The following AMPH variants were observed in gnomAD, a reference collection of about 807,000 sequenced individuals.
AMPH encodes amphiphysin (Stiff-Mann syndrome with breast cancer 128kD autoantigen).
AMPH carries 49 observed loss-of-function variants against 99.1 expected under a neutral mutation model. That is an observed-to-expected ratio of 0.49 (90% CI 0.39 to 0.63). AMPH has a LOEUF of 0.63. AMPH is among the 20% of genes least tolerant of loss of function. The pLI, the probability that AMPH is intolerant of heterozygous loss-of-function variation, is 0.00. For synonymous variants in AMPH, 314 were observed against 317.3 expected (o/e 0.99, Z 0.11); for missense variants, 759 against 863.4 (o/e 0.88, Z 1.52).
intron 7 of AMPH, among the ~76,000 whole-genome samples, chr7:38,470,400 T>C (rs141504001): frequency 1.8e-3 from 269 of 152,222 alleles, no homozygotes; most frequent in African/African-American, 6.3e-3. Context: ...TCTGGACGTT[T>C]ACCAAAGGTG....
At chr7:38,507,171 T>C (rs567786879) in intron 2 of AMPH, among the ~76,000 whole-genome samples, 3 of 152,312 alleles carry the variant, frequency 2.0e-5, no homozygotes, top group African/African-American at 7.2e-5. Flanking sequence ...ATATACTGGA[T>C]TCATCTTGTC....
At chr7:38,445,665 G>T (rs998013317) in intron 11 of AMPH, among the ~76,000 whole-genome samples, 1 of 152,170 alleles carries the variant, frequency 6.6e-6, no homozygotes, top group African/African-American at 2.4e-5. Flanking sequence ...AACACCACTA[G>T]TCATTTGGGA....
Position 38,384,796 on chromosome 7 carries a change from C to G in AMPH, c.*22G>C. On this transcript the variant is annotated 3_prime_UTR_variant, in exon 21 of 21. Transcript: ENST00000356264. ...GGTTTAAAAACCCCGTAACTGAGCT[C>G]CTTCTTGCAGTACTTGTTGCCCTAA... 1.9e-6 allele frequency: 3 copies of G among 1,597,640 alleles called. No individual in the cohort carries two copies. The highest frequency in any genetic ancestry group is 2.6e-6 in the Non-Finnish European group (3 of 1,165,294).
intron 10 of AMPH, among the ~76,000 whole-genome samples, chr7:38,462,688 G>A (rs1373847726): frequency 6.6e-6 from 1 of 152,162 alleles, no homozygotes; most frequent in African/African-American, 2.4e-5. Flanking sequence ...AAAGAAAAGA[G>A]TTTTGTAGCA....
Position 38,417,969 on chromosome 7 carries a change from A to C in AMPH, c.1273-19T>G, listed in dbSNP as rs770504090. The C allele has an allele frequency of 6.2e-7, 1 of 1,608,338 alleles. No individual in the cohort carries two copies. Among genetic ancestry groups the C allele is most frequent in the Admixed American group, 1.7e-5 (1 of 58,788 alleles). ...ATTCAGCCTTGGAGTGTTTGTTTTG[A>C]GGGTTAGAGGAAAAAGATTCAACAG... On this transcript the variant is annotated intron_variant, in intron 16 of 20. Coordinates refer to ENST00000356264, the MANE Select transcript of AMPH (RefSeq NM_001635.4).
rs146529892 is a variant in AMPH at position 38,558,714 on chromosome 7, T to C, written c.70-23703A>G. On this transcript the variant is annotated intron_variant, in intron 1 of 20. Coordinates refer to ENST00000356264, the MANE Select transcript of AMPH (RefSeq NM_001635.4). ...ACAATTTTCCTATCTCGAAGAAAGT[T>C]GCCTTAGAAAGACGCTGATGCTGGT... Among the ~76,000 whole-genome samples the C allele has an allele frequency of 7.2e-5, 11 of 152,288 alleles. No individual in the cohort carries two copies. In the East Asian group the frequency reaches 2.1e-3, roughly 29 times the overall value.
At chr7:38,444,640 G>A (rs970444607) in intron 11 of AMPH, among the ~76,000 whole-genome samples, 1 of 152,124 alleles carries the variant, frequency 6.6e-6, no homozygotes, top group Non-Finnish European at 1.5e-5. Flanking sequence ...AGAGCCTTCA[G>A]AGAGAGCATG....
intron 1 of AMPH, among the ~76,000 whole-genome samples, chr7:38,613,804 C>CA (rs71558128): frequency 0.22 from 31,469 of 144,616 alleles, 3,416 homozygotes; most frequent in African/African-American, 0.25. Context: ...GAATAAAAGC[C>CA]AAAAAAAAAA....
intron 15 of AMPH, among the ~76,000 whole-genome samples, chr7:38,425,099 C>T (rs1000589285): frequency 1.6e-4 from 25 of 152,150 alleles, no homozygotes; most frequent in African/African-American, 6.0e-4. Flanking sequence ...TCTGTGTATG[C>T]ACTTTTTTCA....
intron 5 of AMPH, among the ~76,000 whole-genome samples, chr7:38,477,734 C>T (rs1196741087): frequency 3.3e-5 from 5 of 151,878 alleles, no homozygotes; most frequent in Admixed American, 6.6e-5. Context: ...AGCTTTAAGC[C>T]GCTTGAGGAG....
At chr7:38,627,573 T>C (rs1283343717) in intron 1 of AMPH, among the ~76,000 whole-genome samples, 3 of 144,790 alleles carry the variant, frequency 2.1e-5, no homozygotes, top group African/African-American at 7.8e-5. Flanking sequence ...GAGAATGGCA[T>C]GAACCCAGGA....
intron 2 of AMPH, among the ~76,000 whole-genome samples, chr7:38,526,182 G>A (rs779340388): frequency 1.2e-4 from 18 of 152,080 alleles, no homozygotes; most frequent in African/African-American, 2.2e-4. Flanking sequence ...GCATTTCTCC[G>A]ATGGCTAAAT....
chr7:38,486,441 C>T (rs2129017865), intron 5 of AMPH, among the ~76,000 whole-genome samples: 1 of 151,888 alleles, frequency 6.6e-6, no homozygotes, highest in South Asian at 2.1e-4. Context: ...TAATAGGCAA[C>T]CAAATACCTC....
intron 1 of AMPH, 92 bp from the exon 2 acceptor site, chr7:38,535,103 G>T (rs921554720): frequency 3.6e-5 from 41 of 1,125,500 alleles, no homozygotes; most frequent in Non-Finnish European, 5.0e-5. Flanking sequence ...CTGTTGTTTT[G>T]CTCTGAGGAG....
intron 7 of AMPH, 43 bp from the exon 8 acceptor site, chr7:38,466,291 G>A: frequency 6.9e-7 from 1 of 1,459,254 alleles, no homozygotes; most frequent in Non-Finnish European, 9.3e-7. Flanking sequence ...GAGAGGGAAA[G>A]ACCAGTCAGT....
At chr7:38,440,010 G>A (rs1238914772) in intron 11 of AMPH, among the ~76,000 whole-genome samples, 4 of 152,178 alleles carry the variant, frequency 2.6e-5, no homozygotes, top group African/African-American at 9.7e-5. Context: ...ACAAAGGCTG[G>A]AAATGTGCTT....
At chr7:38,515,868 G>A (rs1355957168) in intron 2 of AMPH, among the ~76,000 whole-genome samples, 4 of 152,224 alleles carry the variant, frequency 2.6e-5, no homozygotes, top group Non-Finnish European at 5.9e-5. Flanking sequence ...TTAGGAACTG[G>A]AGCAAAGGTC....
At chr7:38,562,686 G>GT (rs1791597986) in intron 1 of AMPH, among the ~76,000 whole-genome samples, 1 of 151,032 alleles carries the variant, frequency 6.6e-6, no homozygotes, top group Non-Finnish European at 1.5e-5. Context: ...GAGGAGAGGG[G>GT]TATGGAGAAA....
chr7:38,406,841 G>A (rs1019906831), intron 17 of AMPH, among the ~76,000 whole-genome samples: 2 of 142,354 alleles, frequency 1.4e-5, no homozygotes, highest in Admixed American at 7.2e-5. Flanking sequence ...AACACCAGTG[G>A]CCTCTTGGGG....
Sources: gnomAD v4.1 joint callset for allele counts (sites outside exome capture counted in the v4.1 genomes callset) on GRCh38, gnomAD v4.1.1 for gene constraint, MANE v1.5 for transcripts, NCBI Gene and HGNC (gene_info 2026-07-23, HGNC 2026-07-21) for gene names.